Variants in CPA6 observed in about 807,000 individuals in gnomAD.
The protein encoded by CPA6 is carboxypeptidase A6.
A neutral mutation model predicts 63.3 loss-of-function variants in CPA6; 58 were observed. The ratio of observed to expected loss-of-function variants is 0.92; its 90% CI spans 0.74 to 1.14. CPA6 has a LOEUF of 1.14. CPA6 is among the 50% of genes most tolerant of loss of function. The pLI is 0.00. For missense variants in CPA6, 565 were observed against 526.6 expected (o/e 1.07, Z -0.71); for synonymous variants, 185 against 179.0 (o/e 1.03, Z -0.27).
At chr8:67,547,156 C>T (rs926383147) in intron 2 of CPA6, among the ~76,000 whole-genome samples, 2 of 151,868 alleles carry the variant, frequency 1.3e-5, no homozygotes, top group Admixed American at 1.3e-4. Flanking sequence ...ATGCCATTCT[C>T]CTGCCTCAGC....
chr8:67,673,853 C>A (rs1299941326), intron 1 of CPA6, among the ~76,000 whole-genome samples: 2 of 152,136 alleles, frequency 1.3e-5, no homozygotes, highest in Non-Finnish European at 2.9e-5. Context: ...AACAAAGACA[C>A]AAACAAATGG....
intron 8 of CPA6, among the ~76,000 whole-genome samples, chr8:67,439,589 C>CA (rs199857229): frequency 0.076 from 8,949 of 118,500 alleles, 637 homozygotes; most frequent in African/African-American, 0.19. Context: ...GACTCGGTCT[C>CA]AAAAAAAAAA....
chr8:67,607,231 CTTCTTCTTCTT>C (rs1814682636), intron 2 of CPA6, among the ~76,000 whole-genome samples: 3 of 117,156 alleles, frequency 2.6e-5, no homozygotes, highest in African/African-American at 7.0e-5. Context: ...TCTTCTTCTT[CTTCTTCTTCTT>C]CTTCTTCTTC....
At chr8:67,559,870 TAC>T (rs1554674455) in intron 2 of CPA6, among the ~76,000 whole-genome samples, 120 of 146,810 alleles carry the variant, frequency 8.2e-4, no homozygotes, top group African/African-American at 2.8e-3. Context: ...TATATATGTA[TAC>T]ACACACACAC....
chr8:67,458,600 G>C (rs1810730650), intron 8 of CPA6, among the ~76,000 whole-genome samples: 1 of 152,226 alleles, frequency 6.6e-6, no homozygotes, highest in Admixed American at 6.5e-5. Context: ...GAAAGACAAT[G>C]TCAAGAGAAT....
intron 2 of CPA6, among the ~76,000 whole-genome samples, chr8:67,523,999 C>G (rs561611198): frequency 3.1e-4 from 47 of 152,354 alleles, no homozygotes; most frequent in Admixed American, 2.0e-3. Context: ...AGTAAGAAAA[C>G]TTGATATCAA....
intron 6 of CPA6, among the ~76,000 whole-genome samples, chr8:67,487,701 A>C (rs1427328700): frequency 6.6e-6 from 1 of 152,180 alleles, no homozygotes; most frequent in Admixed American, 6.5e-5. Context: ...CTATTTCTCC[A>C]CATCCTCTCC....
chr8:67,730,388 TG>T (rs1817683744), intron 1 of CPA6, among the ~76,000 whole-genome samples: 1 of 152,204 alleles, frequency 6.6e-6, no homozygotes, highest in South Asian at 2.1e-4. Context: ...AGACCCTCTG[TG>T]GGGATACCAA....
intron 2 of CPA6, among the ~76,000 whole-genome samples, chr8:67,559,867 G>A (rs116850243): frequency 1.4e-4 from 7 of 48,534 alleles, no homozygotes; most frequent in Non-Finnish European, 4.9e-4. Flanking sequence ...ATATATATAT[G>A]TATACACACA....
At chr8:67,654,056 A>G (rs1416281352) in intron 1 of CPA6, among the ~76,000 whole-genome samples, 2 of 152,110 alleles carry the variant, frequency 1.3e-5, no homozygotes, top group Non-Finnish European at 2.9e-5. Context: ...ACTGATTTGC[A>G]TATATTGAAC....
At chr8:67,428,006 C>G in intron 10 of CPA6, 41 bp downstream of exon 10, 1 of 1,338,070 alleles carries the variant, frequency 7.5e-7, no homozygotes, top group Non-Finnish European at 1.1e-6. Flanking sequence ...GATATTGGTT[C>G]AAGAGAGAGG....
chr8:67,566,907 T>C (rs966623660), intron 2 of CPA6, among the ~76,000 whole-genome samples: 5 of 152,214 alleles, frequency 3.3e-5, no homozygotes, highest in African/African-American at 4.8e-5. Context: ...GTTCTTTATA[T>C]AAGAATAGCC....
At chr8:67,624,923 A>G (rs1182297269) in intron 1 of CPA6, among the ~76,000 whole-genome samples, 1 of 152,114 alleles carries the variant, frequency 6.6e-6, no homozygotes, top group Non-Finnish European at 1.5e-5. Flanking sequence ...TCTGCACATA[A>G]AGCAATCACT....
chr8:67,482,366 G>T (rs1386854598), intron 8 of CPA6, among the ~76,000 whole-genome samples: 1 of 152,066 alleles, frequency 6.6e-6, no homozygotes, highest in Non-Finnish European at 1.5e-5. Flanking sequence ...AAAGTGAAAA[G>T]TTTTTTTTAA....
intron 8 of CPA6, among the ~76,000 whole-genome samples, chr8:67,478,015 A>G (rs1463309340): frequency 2.0e-5 from 3 of 152,154 alleles, no homozygotes; most frequent in African/African-American, 7.2e-5. Flanking sequence ...GGGGGTCCCT[A>G]GGGAGCTTCA....
At chr8:67,585,026 TG>T (rs1171270169) in intron 2 of CPA6, among the ~76,000 whole-genome samples, 1 of 152,146 alleles carries the variant, frequency 6.6e-6, no homozygotes, top group Non-Finnish European at 1.5e-5. Flanking sequence ...CAGAATAATG[TG>T]ATAAGGAAAA....
chr8:67,513,450 T>C (rs1421613574), intron 3 of CPA6, among the ~76,000 whole-genome samples: 1 of 151,986 alleles, frequency 6.6e-6, no homozygotes, highest in Non-Finnish European at 1.5e-5. Context: ...GTCACCAAAA[T>C]CATCTATTAT....
chr8:67,687,981 G>A (rs1382421878), intron 1 of CPA6, among the ~76,000 whole-genome samples: 1 of 152,080 alleles, frequency 6.6e-6, no homozygotes, highest in African/African-American at 2.4e-5. Flanking sequence ...GATCACTTGA[G>A]CCTGGGTAAC....
intron 2 of CPA6, among the ~76,000 whole-genome samples, chr8:67,541,958 G>A (rs1812717892): frequency 6.6e-6 from 1 of 152,246 alleles, no homozygotes; most frequent in Admixed American, 6.5e-5. Context: ...TCTTGCCCGG[G>A]TTGATCTGAA....
Sources: gnomAD v4.1 joint callset for allele counts (sites outside exome capture counted in the v4.1 genomes callset) on GRCh38, gnomAD v4.1.1 for gene constraint, MANE v1.5 for transcripts, NCBI Gene and HGNC (gene_info 2026-07-23, HGNC 2026-07-21) for gene names.